Variants in DOCK11 observed in about 807,000 individuals in gnomAD.
DOCK11 encodes dedicator of cytokinesis protein 11.
Under a neutral mutation model 169.1 loss-of-function variants are expected in DOCK11, and 70 were observed. The observed-to-expected ratio is 0.41, with a 90% confidence interval of 0.34 to 0.51. The LOEUF is 0.51. DOCK11 is among the 20% of genes least tolerant of loss of function. The probability of loss-of-function intolerance (pLI) is 0.10; values close to 1 mark genes in which losing one functional copy is unlikely to be tolerated. For missense variants in DOCK11, 1,166 were observed against 1,538.8 expected (o/e 0.76, Z 4.05); for synonymous variants, 529 against 541.3 (o/e 0.98, Z 0.32).
At chrX:118,681,816 G>T in intron 51 of DOCK11, 22 bp downstream of exon 51, 1 of 1,112,655 alleles carries the variant, frequency 9.0e-7, no homozygotes, top group East Asian at 3.1e-5. Flanking sequence ...ATAGTTTTCA[G>T]GTTAGACCCG....
At chrX:118,510,082 C>A (rs2057640409) in intron 1 of DOCK11, among the ~76,000 whole-genome samples, 2 of 112,368 alleles carry the variant, frequency 1.8e-5, no homozygotes. Context: ...ATCATGCCTG[C>A]AAAGTCTTCT....
chrX:118,566,243 GTCC>G, intron 8 of DOCK11, 61 bp downstream of exon 8: 1 of 1,031,205 alleles, frequency 9.7e-7, no homozygotes, highest in Non-Finnish European at 1.3e-6. Flanking sequence ...CCGTGGAAAT[GTCC>G]TCTGTGCAGG....
chrX:118,555,263 TA>T (rs2012642054), intron 6 of DOCK11, among the ~76,000 whole-genome samples: 1 of 111,357 alleles, frequency 9.0e-6, no homozygotes, highest in Admixed American at 9.6e-5. Flanking sequence ...TGTCATATAT[TA>T]AAACTTGGGG....
chrX:118,614,717 G>C lies in DOCK11; in HGVS notation c.3122G>C (p.Gly1041Ala). 1 of 1,195,118 alleles carries C rather than the reference G, an allele frequency of 8.4e-7. No individual in the cohort carries two copies. Among genetic ancestry groups the C allele is most frequent in the Non-Finnish European group, 1.1e-6 (1 of 883,075 alleles). ...LKRCLTLMDRGFIFNLINDYI... is the reference protein window; with the variant it reads ...LKRCLTLMDRAFIFNLINDYI... ...CGCTGTTTGACACTAATGGATAGAG[G>C]ATTTATTTTCAATTTAATAAATGAC... The change falls in exon 29 of 53, where the codon GGA (glycine) becomes GCA (alanine). Residue 1041 changes from glycine (G) to alanine (A), a missense_variant. Coordinates refer to ENST00000276202, the MANE Select transcript of DOCK11 (RefSeq NM_144658.4).
At chrX:118,500,331 A>G (rs1003070137) in intron 1 of DOCK11, among the ~76,000 whole-genome samples, 4 of 111,648 alleles carry the variant, frequency 3.6e-5, no homozygotes, top group Non-Finnish European at 5.7e-5. Context: ...TACAGGCGTG[A>G]GCCACCGCGC....
At chrX:118,515,469 G>A (rs2057676806) in intron 1 of DOCK11, among the ~76,000 whole-genome samples, 1 of 111,123 alleles carries the variant, frequency 9.0e-6, no homozygotes, top group Non-Finnish European at 1.9e-5. Flanking sequence ...CTGACCTCAG[G>A]TGATCCGCCC....
intron 14 of DOCK11, 79 bp from the exon 15 acceptor site, chrX:118,584,656 C>T (rs2013760364): frequency 2.1e-6 from 2 of 960,129 alleles, no homozygotes; most frequent in Non-Finnish European, 2.7e-6. Flanking sequence ...CATTTTACAT[C>T]CCGACCATTG....
intron 35 of DOCK11, among the ~76,000 whole-genome samples, chrX:118,635,055 A>G (rs997306041): frequency 3.6e-5 from 4 of 112,067 alleles, no homozygotes; most frequent in African/African-American, 1.3e-4. Context: ...TTTTGAGTCT[A>G]TTTTCAGTTT....
intron 1 of DOCK11, among the ~76,000 whole-genome samples, chrX:118,510,770 CCTT>C (rs2057646259): frequency 8.9e-6 from 1 of 111,840 alleles, no homozygotes; most frequent in Non-Finnish European, 1.9e-5. Flanking sequence ...TGGGCATGGT[CCTT>C]CTGCATTTTC....
intron 12 of DOCK11, among the ~76,000 whole-genome samples, chrX:118,575,383 A>C (rs954028001): frequency 2.7e-5 from 3 of 112,493 alleles, no homozygotes; most frequent in Non-Finnish European, 5.6e-5. Flanking sequence ...TTAGCTACTT[A>C]AGACATTTCT....
At chrX:118,609,244 T>G in intron 26 of DOCK11, 34 bp from the exon 27 acceptor site, 1 of 1,098,122 alleles carries the variant, frequency 9.1e-7, no homozygotes, top group Non-Finnish European at 1.2e-6. Flanking sequence ...AGAGATTTGG[T>G]AACCGTTAAA....
intron 1 of DOCK11, among the ~76,000 whole-genome samples, chrX:118,505,996 T>C (rs2057608677): frequency 8.9e-6 from 1 of 112,751 alleles, no homozygotes; most frequent in Admixed American, 9.3e-5. Flanking sequence ...CCTATGCCTA[T>C]AATCCCAGCC....
intron 44 of DOCK11, among the ~76,000 whole-genome samples, chrX:118,661,694 A>G (rs991665660): frequency 1.8e-5 from 2 of 112,105 alleles, no homozygotes; most frequent in Non-Finnish European, 3.8e-5. Context: ...CTTGAACTCT[A>G]AAATTACAGC....
At chrX:118,650,926 A>T (rs1478229739) in intron 41 of DOCK11, among the ~76,000 whole-genome samples, 2 of 111,918 alleles carry the variant, frequency 1.8e-5, no homozygotes, top group Non-Finnish European at 3.8e-5. Flanking sequence ...CATTTTACAG[A>T]TGAGAAACAT....
At chrX:118,679,177 T>G (rs2016681941) in intron 48 of DOCK11, among the ~76,000 whole-genome samples, 1 of 111,581 alleles carries the variant, frequency 9.0e-6, no homozygotes, top group Admixed American at 9.6e-5. Flanking sequence ...AATCCTCCTG[T>G]CTTGGCCTCC....
rs763049996 is a variant in DOCK11 at position 118,588,125 on chromosome X, T to C, written c.1796-12T>C. 17 of 1,137,679 alleles carry C rather than the reference T, an allele frequency of 1.5e-5. No individual in the cohort carries two copies. The highest frequency in any genetic ancestry group is 2.0e-5 in the Non-Finnish European group (17 of 861,754). The allele number at this position is 1,137,679 out of a possible 1,213,427, so 93.8% of individuals were successfully genotyped here. ...ACTGAATGATCTTTGCCTGTTTTTT[T>C]CCCTGCTATAGATTGTATTACTTCT... On this transcript the variant is annotated splice_polypyrimidine_tract_variant and intron_variant, in intron 16 of 52. Coordinates refer to ENST00000276202, the MANE Select transcript of DOCK11 (RefSeq NM_144658.4).
chrX:118,590,252 G>A lies in DOCK11; in HGVS notation c.2089G>A (p.Ala697Thr), dbSNP rs1483735573. 1.2e-5 allele frequency: 14 copies of A among 1,209,432 alleles called. No homozygotes were observed. Among genetic ancestry groups the A allele is most frequent in the Non-Finnish European group, 1.5e-5 (13 of 894,747 alleles). The change falls in exon 19 of 53, where the codon GCT becomes ACT. Residue 697 changes from alanine to threonine, a missense_variant. Transcript: ENST00000276202. Reference protein sequence around the residue: ...KPAGSVFTTNAYAVVSHHNQN... With the variant: ...KPAGSVFTTNTYAVVSHHNQN... ...TGCAGGGTCTGTTTTTACCACAAAT[G>A]CTTATGCTGTTGTCTCGCATCACAA...
Position 118,505,294 on chromosome X carries a change from T to G in DOCK11, c.102+9221T>G, listed in dbSNP as rs780670625. Among the ~76,000 whole-genome samples, 5 of 112,606 alleles carry G rather than the reference T, an allele frequency of 4.4e-5. No individual in the cohort carries two copies. The South Asian group carries it at 1.5e-3, about 33-fold the overall frequency. ...CGCCTGCCTCGGCCTCCCAAAGTGC[T>G]GGGATTACAGGCGTGAGACACCATG... On this transcript the variant is annotated intron_variant, in intron 1 of 52. Coordinates refer to ENST00000276202, the MANE Select transcript of DOCK11 (RefSeq NM_144658.4).
intron 13 of DOCK11, among the ~76,000 whole-genome samples, chrX:118,579,391 TTAG>T (rs1434859430): frequency 9.7e-6 from 1 of 103,243 alleles, no homozygotes; most frequent in African/African-American, 3.7e-5. Flanking sequence ...GTTGAGTTCA[TTAG>T]TAGCACTCCA....
Sources: allele counts gnomAD v4.1 joint callset (sites outside exome capture counted in the v4.1 genomes callset), GRCh38; gene constraint gnomAD v4.1.1; transcripts MANE v1.5; gene names NCBI Gene and HGNC (gene_info 2026-07-23, HGNC 2026-07-21).